Variants in TTC39C observed in about 807,000 individuals in gnomAD.
TTC39C encodes the protein tetratricopeptide repeat domain 39C.
In TTC39C, 33 loss-of-function variants were observed where a neutral mutation model predicts 76.3. The ratio of observed to expected loss-of-function variants is 0.43; its 90% CI spans 0.33 to 0.58. The LOEUF (loss-of-function observed/expected upper bound fraction) is 0.58. Ranked by LOEUF, TTC39C falls within the 20% of genes least tolerant of loss-of-function variation. The pLI, the probability that TTC39C is intolerant of heterozygous loss-of-function variation, is 0.04. For missense variants in TTC39C, 595 were observed against 701.4 expected, an observed-to-expected ratio of 0.85 and a Z score of 1.71; for synonymous variants, 254 against 260.6, an observed-to-expected ratio of 0.97 and a Z score of 0.24.
At position 24,134,358 on chromosome 18, in the gene TTC39C, C is replaced by G. The variant is rs2085173899; in HGVS notation, c.*1784C>G. ...GCGTGATCTTGGCTCACTGCAACCT[C>G]TGCCTCCTGGGTTCACACCATTCTC... On this transcript the variant is annotated 3_prime_UTR_variant, in exon 14 of 14. Transcript: ENST00000317571. 7.2e-6 allele frequency: 1 copy of G among 137,954 alleles called. No homozygotes were observed. The allele number at this position is 137,954 out of a possible 1,614,324, so 8.5% of individuals were successfully genotyped here. A position where few individuals can be genotyped will look rare whatever the true frequency, so the allele number is the denominator to read the frequency against.
At chr18:24,002,760 A>G (rs1370459050) in intron 1 of TTC39C, among the ~76,000 whole-genome samples, 2 of 152,094 alleles carry the variant, frequency 1.3e-5, no homozygotes, top group Non-Finnish European at 2.9e-5. Context: ...GAGTGAACGT[A>G]TGTATCCAGC....
chr18:24,122,040 G>A (rs1465855932), intron 8 of TTC39C, among the ~76,000 whole-genome samples: 1 of 152,158 alleles, frequency 6.6e-6, no homozygotes, highest in Non-Finnish European at 1.5e-5. Context: ...AATCCCAGTA[G>A]GAGGAACCTG....
At chr18:24,125,081 G>A (rs944655291) in intron 9 of TTC39C, among the ~76,000 whole-genome samples, 1 of 152,054 alleles carries the variant, frequency 6.6e-6, no homozygotes, top group Non-Finnish European at 1.5e-5. Flanking sequence ...TAGTAGAGAC[G>A]GGGTTTCTCC....
Position 24,069,212 on chromosome 18 carries a change from T to A in TTC39C, c.401T>A (p.Ile134Asn). 6.2e-7 allele frequency: 1 copy of A among 1,614,138 alleles called. No individual in the cohort carries two copies. The highest frequency in any genetic ancestry group is 8.5e-7 in the Non-Finnish European group (1 of 1,179,960). ...GTTGATCGGCTTCAGAGGCAGATAA[T>A]CATAGCTGACTGCCAGGTTTACCTG... ...SMVDRLQRQI[I>N]IADCQVYLAV... Residue 134 changes from isoleucine to asparagine, a missense_variant, in exon 4 of 14, where the codon ATC becomes AAC. Coordinates refer to ENST00000317571, the MANE Select transcript of TTC39C (RefSeq NM_001135993.2).
intron 1 of TTC39C, among the ~76,000 whole-genome samples, chr18:24,050,529 A>T (rs1445460562): frequency 7.3e-6 from 1 of 136,910 alleles, no homozygotes; most frequent in Non-Finnish European, 1.5e-5. Flanking sequence ...GTACCACTGT[A>T]CTCCAGTCTG....
chr18:24,069,572 C>A (rs551006126), intron 4 of TTC39C, among the ~76,000 whole-genome samples: 1 of 152,248 alleles, frequency 6.6e-6, no homozygotes, highest in East Asian at 1.9e-4. Context: ...TTGTGGGAAT[C>A]AGGTTGTGAT....
At chr18:24,122,944 G>C (rs2084990687) in intron 8 of TTC39C, among the ~76,000 whole-genome samples, 1 of 152,186 alleles carries the variant, frequency 6.6e-6, no homozygotes, top group Non-Finnish European at 1.5e-5. Context: ...TGCAGCTTGT[G>C]GGACCCTATG....
intron 1 of TTC39C, among the ~76,000 whole-genome samples, chr18:24,029,928 T>A (rs1233188443): frequency 6.6e-6 from 1 of 152,224 alleles, no homozygotes; most frequent in East Asian, 1.9e-4. Context: ...GCTGGTTTCA[T>A]ATTTTTGCAG....
At chr18:24,098,385 C>T (rs1288389130) in intron 6 of TTC39C, among the ~76,000 whole-genome samples, 3 of 106,544 alleles carry the variant, frequency 2.8e-5, no homozygotes, top group African/African-American at 1.5e-4. Flanking sequence ...CTTTTCCTTC[C>T]CTCCCTCCCT....
chr18:24,010,431 C>A (rs1295142445), upstream of TTC39C, among the ~76,000 whole-genome samples: 1 of 152,204 alleles, frequency 6.6e-6, no homozygotes, highest in Non-Finnish European at 1.5e-5. Flanking sequence ...TTAGGCTAAA[C>A]AATTTAATAG....
chr18:24,038,952 T>G (rs1043027215), intron 1 of TTC39C, among the ~76,000 whole-genome samples: 2 of 152,130 alleles, frequency 1.3e-5, no homozygotes, highest in African/African-American at 4.8e-5. Flanking sequence ...CTCAGTTACC[T>G]CCTAAAAGCC....
intron 1 of TTC39C, among the ~76,000 whole-genome samples, chr18:24,018,517 G>A (rs1316117356): frequency 1.3e-5 from 2 of 152,198 alleles, no homozygotes; most frequent in Admixed American, 1.3e-4. Flanking sequence ...TTTCGGTGCT[G>A]CAATGTAGGT....
rs71163650 is a variant in TTC39C, at chr18:23,997,551, CAAAAAAAAA to C, written c.-17+4529_-17+4537del. On this transcript the variant is annotated intron_variant, in intron 1 of 13. Coordinates refer to the TTC39C transcript ENST00000304621. The stretch of plus-strand genomic sequence containing the variant: ...TGGGCAATAGAGCAAGTCTCTGTCT[CAAAAAAAAA>C]AAAAAAAAAAAAAAAGAGAAAGAAA... 5.7e-5 allele frequency among the ~76,000 whole-genome samples: 3 copies of C among 52,180 alleles called. No individual in the cohort carries two copies. The East Asian group carries it at 2.1e-3, about 36-fold the overall frequency. The allele number at this position is 52,180 out of a possible 152,430, so 34.2% of individuals were successfully genotyped here. A position where few individuals can be genotyped will look rare whatever the true frequency, so the allele number is the denominator to read the frequency against.
intron 4 of TTC39C, among the ~76,000 whole-genome samples, chr18:24,074,308 ATGG>A (rs1203708460): frequency 6.6e-6 from 1 of 152,162 alleles, no homozygotes; most frequent in Non-Finnish European, 1.5e-5. Flanking sequence ...TGCCTAGAAC[ATGG>A]TGGGTGGATA....
chr18:24,111,897 A>G (rs2084817231), intron 6 of TTC39C, among the ~76,000 whole-genome samples: 1 of 125,040 alleles, frequency 8.0e-6, no homozygotes, highest in Admixed American at 9.5e-5. Flanking sequence ...GCAAGACCCT[A>G]TCTTTAAAAA....
At position 24,134,257 on chromosome 18, in the gene TTC39C, G is replaced by GTTTTTTTTTTTTTT. The variant is rs1182625147; in HGVS notation, c.*1689_*1690insTTTTTTTTTTTTTT. On this transcript the variant is annotated 3_prime_UTR_variant, in exon 14 of 14. Coordinates refer to ENST00000317571, the MANE Select transcript of TTC39C (RefSeq NM_001135993.2). ...TGGTGCCCAAAAATATTGGACATCT[G>GTTTTTTTTTTTTTT]TTTTTTGTTTTTTTTTTTTTTTTTT... 1.8e-4 allele frequency: 9 copies of GTTTTTTTTTTTTTT among 48,724 alleles called. 1 individual carries two copies. Among genetic ancestry groups the GTTTTTTTTTTTTTT allele is most frequent in the African/African-American group, 4.2e-4 (7 of 16,746 alleles). 3.0% of individuals were successfully genotyped at this position (48,724 alleles called of 1,614,324 possible).
chr18:24,088,463 A>G lies in TTC39C; in HGVS notation c.984+5382A>G, dbSNP rs575034158. ...TGGGCAGTATCGTCTGTAGGGAGTC[A>G]AGAATGGAACAGTTCGGATTGCAGT... On this transcript the variant is annotated intron_variant, in intron 6 of 13. Transcript: ENST00000317571. 1.8e-3 allele frequency among the ~76,000 whole-genome samples: 280 copies of G among 152,330 alleles called. 1 individual carries two copies. The highest frequency in any genetic ancestry group is 6.2e-3 in the African/African-American group (259 of 41,576).
chr18:23,995,553 T>A (rs975246500), intron 1 of TTC39C, among the ~76,000 whole-genome samples: 1 of 152,184 alleles, frequency 6.6e-6, no homozygotes, highest in South Asian at 2.1e-4. Context: ...CTGAGATCCA[T>A]CTAGGTCGTA....
chr18:24,053,107 T>A (rs2083972918), intron 1 of TTC39C, among the ~76,000 whole-genome samples: 1 of 152,254 alleles, frequency 6.6e-6, no homozygotes, highest in South Asian at 2.1e-4. Context: ...TAAAGTAAGA[T>A]GCTTTCAGAA....
Sources: gnomAD v4.1 joint callset for allele counts (sites outside exome capture counted in the v4.1 genomes callset) on GRCh38, gnomAD v4.1.1 for gene constraint, MANE v1.5 for transcripts, NCBI Gene and HGNC (gene_info 2026-07-23, HGNC 2026-07-21) for gene names.